Variants in SLC46A1 observed in about 807,000 individuals in gnomAD.
The protein encoded by SLC46A1 is proton-coupled folate transporter.
Under a neutral mutation model 32.1 loss-of-function variants are expected in SLC46A1, and 17 were observed. The observed-to-expected ratio is 0.53, with a 90% CI of 0.36 to 0.79. SLC46A1 has a LOEUF of 0.79. SLC46A1 is among the 30% of genes least tolerant of loss of function. The probability of loss-of-function intolerance (pLI) is 0.00; values close to 1 mark genes in which losing one functional copy is unlikely to be tolerated. For missense variants in SLC46A1, 517 were observed against 588.2 expected (o/e 0.88, Z 1.25); for synonymous variants, 240 against 262.7 (o/e 0.91, Z 0.84).
In SLC46A1 at chr17:28,400,715, G is replaced by C; in HGVS notation, c.1217C>G (p.Ala406Gly). ...ACVNSLAMLT[A>G]SGIFNSLYPA... ...GTAGAGTGAGTTGAAGATGCCGGAGGCCGTCAGCATGGCCAGGCTATTCAC... is the reference window on the plus strand; with the variant it reads ...GTAGAGTGAGTTGAAGATGCCGGAGCCCGTCAGCATGGCCAGGCTATTCAC... Residue 406 changes from alanine to glycine, a missense_variant, in exon 4 of 5, where the codon GCC (alanine) becomes GGC (glycine). Physicochemically the swap from Ala to Gly is moderately conservative, Grantham distance 60. Coordinates refer to ENST00000612814, the MANE Select transcript of SLC46A1 (RefSeq NM_080669.6). The C allele has an allele frequency of 1.9e-6, 3 of 1,605,528 alleles. No individual in the cohort carries two copies. Among genetic ancestry groups the C allele is most frequent in the Non-Finnish European group, 2.6e-6 (3 of 1,176,272 alleles).
Position 28,400,671 on chromosome 17 carries a change from T to C in SLC46A1, c.1261A>G (p.Met421Val), listed in dbSNP as rs782188751. The change falls in exon 4 of 5, where the codon ATG becomes GTG. Residue 421 changes from methionine (M) to valine (V), a missense_variant. Physicochemically the swap from Met to Val is conservative, Grantham distance 21. Coordinates refer to ENST00000612814, the MANE Select transcript of SLC46A1 (RefSeq NM_080669.6). ...CCCAGGAGGAAGGGGAACCCCTTCA[T>C]AAAGTTCAGAGTGGCTGGGTAGAGT... is the stretch of plus-strand genomic sequence containing the variant. ...NSLYPATLNF[M>V]KGFPFLLGAG... 4.5e-5 allele frequency: 72 copies of C among 1,613,404 alleles called. No homozygotes were observed. Among genetic ancestry groups the C allele is most frequent in the Non-Finnish European group, 5.9e-5 (70 of 1,179,794 alleles).
At chr17:28,402,536 T>C (rs980499795) in intron 2 of SLC46A1, 4 of 472,066 alleles carry the variant, frequency 8.5e-6, no homozygotes, top group Non-Finnish European at 1.6e-5. Context: ...GAATGAATGC[T>C]AATTCCCATT....
Position 28,404,890 on chromosome 17 carries a change from G to C in SLC46A1, c.807C>G (p.Leu269=). Residue 269 remains leucine, a synonymous_variant, in exon 2 of 5, where the codon CTC becomes CTG. Transcript: ENST00000612814. ...TCACCACGAAGATGGCCAGTGAGTAGAGGGCTAAATGTTTCCTGGACTTCT... is the reference window on the plus strand; with the variant it reads ...TCACCACGAAGATGGCCAGTGAGTACAGGGCTAAATGTTTCCTGGACTTCT... The part of the protein sequence containing the change: ...APEKSRKHLA[L]YSLAIFVVIT... 1 of 1,614,070 alleles carries C rather than the reference G, an allele frequency of 6.2e-7. No individual in the cohort carries two copies. Among genetic ancestry groups the C allele is most frequent in the Non-Finnish European group, 8.5e-7 (1 of 1,179,906 alleles).
upstream of SLC46A1, chr17:28,406,276 C>G (rs1343775561): frequency 3.9e-6 from 2 of 519,380 alleles, no homozygotes; most frequent in East Asian, 3.8e-5. The surrounding 1 kb of genome is among the most constrained non-coding windows in gnomAD (Gnocchi z 4.5). Context: ...CTGAGGCCAC[C>G]GGACTCTCGC....
chr17:28,399,487 C>A lies in SLC46A1; in HGVS notation c.*169G>T, dbSNP rs781938648. ...AGATCCTAGACAGAGGCTGGGTCAG[C>A]TGTGGATGGGGTGGTGCCTTGGTCT... is the stretch of plus-strand genomic sequence containing the variant. On this transcript the variant is annotated 3_prime_UTR_variant, in exon 5 of 5. Transcript: ENST00000612814. 1.4e-5 allele frequency: 9 copies of A among 649,844 alleles called. No individual in the cohort carries two copies. Among genetic ancestry groups the A allele is most frequent in the Non-Finnish European group, 2.4e-5 (9 of 369,450 alleles). The allele number at this position is 649,844 out of a possible 1,614,324, so 40.3% of individuals were successfully genotyped here. A position where few individuals can be genotyped will look rare whatever the true frequency, so the allele number is the denominator to read the frequency against.
At position 28,398,620 on chromosome 17, in the gene SLC46A1, T is replaced by C; in HGVS notation, c.*1036A>G. 6.5e-6 allele frequency: 1 copy of C among 152,684 alleles called. No homozygotes were observed. The highest frequency in any genetic ancestry group is 1.5e-5 in the Non-Finnish European group (1 of 68,472). The allele number at this position is 152,684 out of a possible 1,614,324, so 9.5% of individuals were successfully genotyped here. A position where few individuals can be genotyped will look rare whatever the true frequency, so the allele number is the denominator to read the frequency against. ...GGTTGGGGCTGAGTCAGCCAGATCC[T>C]CCCCCTACTTCTCCCCAAGGGCCAA... On this transcript the variant is annotated 3_prime_UTR_variant, in exon 5 of 5. Coordinates refer to ENST00000612814, the MANE Select transcript of SLC46A1 (RefSeq NM_080669.6).
In SLC46A1 at chr17:28,406,172, G is replaced by C; in HGVS notation, c.-58C>G. On this transcript the variant is annotated 5_prime_UTR_variant, in exon 1 of 5. Transcript: ENST00000612814. The surrounding 1 kb of genome is among the most constrained non-coding windows in gnomAD (Gnocchi z 4.5). ...CGGCGGGGCGCGCGAGCGACTCGCTGCCTGGGACCAGCGACGCGTGGCGTG... is the reference window on the plus strand; with the variant it reads ...CGGCGGGGCGCGCGAGCGACTCGCTCCCTGGGACCAGCGACGCGTGGCGTG... The C allele has an allele frequency of 7.9e-7, 1 of 1,260,998 alleles. No individual in the cohort carries two copies. The highest frequency in any genetic ancestry group is 2.3e-5 in the South Asian group (1 of 42,924). 78.1% of individuals were successfully genotyped at this position (1,260,998 alleles called of 1,614,324 possible). A position where few individuals can be genotyped will look rare whatever the true frequency, so the allele number is the denominator to read the frequency against.
At chr17:28,400,234 C>A in intron 4 of SLC46A1, 1 of 261,378 alleles carries the variant, frequency 3.8e-6, no homozygotes, top group Non-Finnish European at 7.4e-6. Flanking sequence ...AAAAAGTCAG[C>A]GGGTCAAGCT....
Position 28,405,273 on chromosome 17 carries a change from C to T in SLC46A1, c.424G>A (p.Gly142Ser). 6.3e-7 allele frequency: 1 copy of T among 1,584,854 alleles called. No individual in the cohort carries two copies. The highest frequency in any genetic ancestry group is 8.6e-7 in the Non-Finnish European group (1 of 1,166,208). Residue 142 changes from glycine to serine, a missense_variant, in exon 2 of 5, where the codon GGC becomes AGC. By Grantham distance (56) the Gly-to-Ser change is moderately conservative (BLOSUM62 0). Coordinates refer to ENST00000612814, the MANE Select transcript of SLC46A1 (RefSeq NM_080669.6). ...VFVVQLQLHV[G>S]YFVLGRILCA... ...AGGATGCGACCCAGCACGAAGTAGC[C>T]GACGTGGAGCTGCAGCTGCACCACA...
Position 28,395,727 on chromosome 17 carries a change from G to GA in SLC46A1, c.*3928dup, listed in dbSNP as rs2068112941. The GA allele has an allele frequency of 4.7e-6, 3 of 639,650 alleles. No homozygotes were observed. The highest frequency in any genetic ancestry group is 5.3e-6 in the Non-Finnish European group (2 of 375,392). The allele number at this position is 639,650 out of a possible 1,614,324, so 39.6% of individuals were successfully genotyped here. On this transcript the variant is annotated 3_prime_UTR_variant, in exon 5 of 5. Transcript: ENST00000612814. ...TCTGTGCCAGGAACTCTGGGCAAAG[G>GA]AAAAATATTTATTTTTTATTACACT...
Position 28,405,274 on chromosome 17 carries a change from G to A in SLC46A1, c.423C>T (p.Val141=), listed in dbSNP as rs1231943068. ...GGATGCGACCCAGCACGAAGTAGCC[G>A]ACGTGGAGCTGCAGCTGCACCACAA... is the stretch of plus-strand genomic sequence containing the variant. ...SVFVVQLQLH[V]GYFVLGRILC... The change falls in exon 2 of 5, where the codon GTC becomes GTT. Residue 141 remains valine (V), a synonymous_variant. Transcript: ENST00000612814. The A allele has an allele frequency of 1.9e-6, 3 of 1,585,574 alleles. No homozygotes were observed. Among genetic ancestry groups the A allele is most frequent in the Non-Finnish European group, 2.6e-6 (3 of 1,166,546 alleles).
At position 28,405,486 on chromosome 17, in the gene SLC46A1, C is replaced by A; in HGVS notation, c.229-18G>T. ...TCCACTTCCTGTAGGGGCACAATGA[C>A]CAGGGTGCGGTTCCTCACTCTGGGT... On this transcript the variant is annotated intron_variant, in intron 1 of 4. Coordinates refer to ENST00000612814, the MANE Select transcript of SLC46A1 (RefSeq NM_080669.6). 6.3e-7 allele frequency: 1 copy of A among 1,593,860 alleles called. No homozygotes were observed. The highest frequency in any genetic ancestry group is 8.5e-7 in the Non-Finnish European group (1 of 1,172,056).
At chr17:28,406,343 G>T (rs908850482), upstream of SLC46A1, 23 of 413,602 alleles carry the variant, frequency 5.6e-5, no homozygotes, top group Non-Finnish European at 8.0e-5. This position sits in a 1 kb window ranked among gnomAD's most constrained non-coding sequence, Gnocchi z 4.5. Flanking sequence ...CCCAGCCCGC[G>T]GGATGACCTC....
In SLC46A1 at chr17:28,396,408, TC is replaced by T; in HGVS notation, c.*3247del. The T allele has an allele frequency of 8.7e-7, 1 of 1,146,538 alleles. No individual in the cohort carries two copies. The highest frequency in any genetic ancestry group is 1.3e-6 in the Non-Finnish European group (1 of 795,702). The allele number at this position is 1,146,538 out of a possible 1,614,324, so 71.0% of individuals were successfully genotyped here. A position where few individuals can be genotyped will look rare whatever the true frequency, so the allele number is the denominator to read the frequency against. Reference sequence around the variant, plus strand: ...CTGGGCTCTTCTTAGGAAATGGCTCTCCCTCCCCCTGTCCCCCACCCTCATG... The same window carrying T: ...CTGGGCTCTTCTTAGGAAATGGCTCTCCTCCCCCTGTCCCCCACCCTCATG... On this transcript the variant is annotated 3_prime_UTR_variant, in exon 5 of 5. Coordinates refer to ENST00000612814, the MANE Select transcript of SLC46A1 (RefSeq NM_080669.6).
rs1003506774 is a variant in SLC46A1, at chr17:28,399,256, C to A, written c.*400G>T. On this transcript the variant is annotated 3_prime_UTR_variant, in exon 5 of 5. Coordinates refer to ENST00000612814, the MANE Select transcript of SLC46A1 (RefSeq NM_080669.6). Reference sequence around the variant, plus strand: ...TGATGACTGCTACACGTGTTGGGAACCTGGTTGGGGCTGTGCAGTTTGGGC... The same window carrying A: ...TGATGACTGCTACACGTGTTGGGAAACTGGTTGGGGCTGTGCAGTTTGGGC... 1.6e-5 allele frequency: 3 copies of A among 191,084 alleles called. No homozygotes were observed. Among genetic ancestry groups the A allele is most frequent in the South Asian group, 2.3e-4 (2 of 8,608 alleles). The allele number at this position is 191,084 out of a possible 1,614,324, so 11.8% of individuals were successfully genotyped here. A position where few individuals can be genotyped will look rare whatever the true frequency, so the allele number is the denominator to read the frequency against.
At position 28,399,633 on chromosome 17, in the gene SLC46A1, C is replaced by T; in HGVS notation, c.*23G>A. 6.2e-7 allele frequency: 1 copy of T among 1,613,804 alleles called. No individual in the cohort carries two copies. The highest frequency in any genetic ancestry group is 1.1e-5 in the South Asian group (1 of 91,056). On this transcript the variant is annotated 3_prime_UTR_variant, in exon 5 of 5. Transcript: ENST00000612814. ...TGGTGTTCACTTTGCTCCTCTTGCCCTCTGTCTTCTGGTCCAGGCAGATCA... is the reference window on the plus strand; with the variant it reads ...TGGTGTTCACTTTGCTCCTCTTGCCTTCTGTCTTCTGGTCCAGGCAGATCA...
chr17:28,399,975 C>T, intron 4 of SLC46A1: 1 of 459,016 alleles, frequency 2.2e-6, no homozygotes, highest in Non-Finnish European at 4.0e-6. Flanking sequence ...CTCACTGTAC[C>T]CTTGAACTCC....
intron 3 of SLC46A1, chr17:28,401,301 TG>T (rs1279667817): frequency 1.2e-5 from 2 of 162,876 alleles, no homozygotes; most frequent in South Asian, 3.4e-4. Flanking sequence ...CCTGGTCCCC[TG>T]GAAGTAGCTA....
intron 1 of SLC46A1, 137 bp downstream of exon 1, chr17:28,405,750 T>C: frequency 9.1e-7 from 1 of 1,097,946 alleles, no homozygotes; most frequent in Non-Finnish European, 1.3e-6. Context: ...GCCCCTTTGC[T>C]CTGGTCCCGC....
Sources: allele counts gnomAD v4.1 joint callset, GRCh38; gene constraint gnomAD v4.1.1; non-coding constraint Gnocchi (gnomAD v3.1); transcripts MANE v1.5; gene names NCBI Gene and HGNC (gene_info 2026-07-23, HGNC 2026-07-21).